AKAP9: variants seen among roughly 807,000 people sequenced by gnomAD.
AKAP9 encodes A-kinase anchoring protein 9.
Under a neutral mutation model 488.5 loss-of-function variants are expected in AKAP9, and 311 were observed. The ratio of observed to expected loss-of-function variants is 0.64; its 90% CI spans 0.58 to 0.70. The LOEUF is 0.70. AKAP9 is among the 30% of genes least tolerant of loss of function. The probability of loss-of-function intolerance (pLI) is 0.00; values close to 1 mark genes in which losing one functional copy is unlikely to be tolerated. For synonymous variants in AKAP9, 1,462 were observed against 1,483.5 expected (o/e 0.99, Z 0.33); for missense variants, 4,215 against 4,374.5 (o/e 0.96, Z 1.03).
intron 40 of AKAP9, among the ~76,000 whole-genome samples, chr7:92,095,930 CT>C (rs1283369084): frequency 8.5e-5 from 13 of 152,262 alleles, no homozygotes; most frequent in East Asian, 5.8e-4. Context: ...TTATTTGCCC[CT>C]AACCTTGCTT....
rs566937987 is a variant in AKAP9, at chr7:92,096,928, C to T, written c.9969C>T (p.His3323=). 1.9e-5 allele frequency: 30 copies of T among 1,614,062 alleles called. No homozygotes were observed. The highest frequency in any genetic ancestry group is 2.4e-5 in the Non-Finnish European group (28 of 1,180,042). ...CCCTAGATAGGGAGCGGGAATTGCA[C>T]GCACAGCTGCAGAGCAGTGATGGTA... ...SSTLDREREL[H]AQLQSSDGTG... Residue 3323 remains histidine, a synonymous_variant, in exon 41 of 50, where the codon CAC becomes CAT. Coordinates refer to ENST00000356239, the MANE Select transcript of AKAP9 (RefSeq NM_005751.5).
At chr7:92,007,919 C>T (rs1800138112) in intron 8 of AKAP9, among the ~76,000 whole-genome samples, 1 of 152,082 alleles carries the variant, frequency 6.6e-6, no homozygotes, top group South Asian at 2.1e-4. Context: ...ATATTGAAAA[C>T]AAGTTAAGCT....
Position 92,085,548 on chromosome 7 carries a change from G to C in AKAP9, c.8886G>C (p.Glu2962Asp). 6.2e-7 allele frequency: 1 copy of C among 1,614,054 alleles called. No individual in the cohort carries two copies. Among genetic ancestry groups the C allele is most frequent in the Non-Finnish European group, 8.5e-7 (1 of 1,179,986 alleles). Residue 2962 changes from glutamate to aspartate, a missense_variant, in exon 36 of 50, where the codon GAG (glutamate) becomes GAC (aspartate). Physicochemically the swap from Glu to Asp is conservative, Grantham distance 45. Transcript: ENST00000356239. ...NEGMQVLSLT[E>D]SPYSDGEDHS... Reference sequence around the variant, plus strand: ...GCATGCAGGTGCTTTCTCTCACTGAGTCTCCCTATAGTGATGGAGAGGACC... The same window carrying C: ...GCATGCAGGTGCTTTCTCTCACTGACTCTCCCTATAGTGATGGAGAGGACC...
intron 12 of AKAP9, among the ~76,000 whole-genome samples, chr7:92,018,551 T>A (rs1238070006): frequency 6.6e-6 from 1 of 152,182 alleles, no homozygotes; most frequent in Non-Finnish European, 1.5e-5. Context: ...TAGACTGGAT[T>A]TAAAGTTCAA....
At chr7:92,030,847 A>C (rs536500210) in intron 15 of AKAP9, among the ~76,000 whole-genome samples, 66 of 152,172 alleles carry the variant, frequency 4.3e-4, no homozygotes, top group Middle Eastern at 3.4e-3. Context: ...ACTTTCTCAA[A>C]CTGGCAACTG....
In AKAP9 at chr7:92,097,747, A is replaced by G. The variant is rs369522150; in HGVS notation, c.10560A>G (p.Gln3520=). ...TAGAAATGATCAGACAAAAGCTTCA[A>G]TGTGTAGCTTCAAAACTACAGGTTC... The part of the protein sequence containing the change: ...HELEMIRQKL[Q]CVASKLQVLP... Residue 3520 remains glutamine, a synonymous_variant, in exon 42 of 50, where the codon CAA becomes CAG. Transcript: ENST00000356239. The G allele has an allele frequency of 1.8e-5, 29 of 1,614,082 alleles. No homozygotes were observed. The highest frequency in any genetic ancestry group is 2.4e-5 in the Non-Finnish European group (28 of 1,180,018).
At chr7:92,032,776 G>A (rs181461456) in intron 16 of AKAP9, among the ~76,000 whole-genome samples, 4 of 151,720 alleles carry the variant, frequency 2.6e-5, no homozygotes, top group Admixed American at 6.6e-5. Context: ...TTTTTTTATA[G>A]CTTTCAATGT....
chr7:91,986,201 G>T (rs1453539448), intron 3 of AKAP9, among the ~76,000 whole-genome samples: 1 of 152,218 alleles, frequency 6.6e-6, no homozygotes, highest in East Asian at 1.9e-4. Context: ...GACCTGCTGA[G>T]CCAGGCACGG....
In AKAP9 at chr7:92,022,951, G is replaced by C. The variant is rs1802542345; in HGVS notation, c.4090G>C (p.Glu1364Gln). The C allele has an allele frequency of 4.3e-6, 7 of 1,614,066 alleles. No homozygotes were observed. The South Asian group carries it at 4.4e-5, about 10-fold the overall frequency. The change falls in exon 14 of 50, where the codon GAG becomes CAG. Residue 1364 changes from glutamate to glutamine, a missense_variant. Coordinates refer to ENST00000356239, the MANE Select transcript of AKAP9 (RefSeq NM_005751.5). ...LKETEQNYEA[E>Q]IHCLQKRLQA... ...AGAAACTGAACAAAACTATGAGGCA[G>C]AGATCCACTGTTTACAGAAGAGGCT...
chr7:92,013,594 C>T (rs1273369775), intron 9 of AKAP9, among the ~76,000 whole-genome samples: 1 of 152,058 alleles, frequency 6.6e-6, no homozygotes, highest in African/African-American at 2.4e-5. Flanking sequence ...ACCAGTTAAG[C>T]AACTAAAGCT....
intron 37 of AKAP9, among the ~76,000 whole-genome samples, chr7:92,088,384 C>CT (rs1814969090): frequency 6.6e-6 from 1 of 152,108 alleles, no homozygotes; most frequent in South Asian, 2.1e-4. Flanking sequence ...TGAAAAGAAA[C>CT]TGTCTCATAG....
Position 92,103,226 on chromosome 7 carries a change from T to TA in AKAP9, c.11330+407dup, listed in dbSNP as rs575873139. Among the ~76,000 whole-genome samples, 409 of 150,270 alleles carry TA rather than the reference T, an allele frequency of 2.7e-3. 2 individuals carry two copies. Among genetic ancestry groups the TA allele is most frequent in the African/African-American group, 9.5e-3 (389 of 40,860 alleles). Reference sequence around the variant, plus strand: ...CAACATGGTGAAACCCTATCTCTACTAAAAAAACAAAAAATTAGCTGGGCG... The same window carrying TA: ...CAACATGGTGAAACCCTATCTCTACTAAAAAAAACAAAAAATTAGCTGGGCG... On this transcript the variant is annotated intron_variant, in intron 46 of 49. Coordinates refer to ENST00000356239, the MANE Select transcript of AKAP9 (RefSeq NM_005751.5).
intron 46 of AKAP9, 77 bp downstream of exon 46, chr7:92,102,903 C>A: frequency 7.9e-7 from 1 of 1,260,750 alleles, no homozygotes; most frequent in Non-Finnish European, 1.1e-6. Context: ...TCCCTCTATT[C>A]TCTGCTGGTT....
chr7:92,079,007 TA>T, intron 30 of AKAP9, 71 bp from the exon 31 acceptor site: 1 of 1,087,392 alleles, frequency 9.2e-7, no homozygotes, highest in Non-Finnish European at 1.3e-6. Flanking sequence ...GGTACTGCCC[TA>T]AAATAAAGTA....
In AKAP9 at chr7:92,066,449, A is replaced by G. The variant is rs376849844; in HGVS notation, c.6233A>G (p.His2078Arg). 1.2e-6 allele frequency: 2 copies of G among 1,613,384 alleles called. No individual in the cohort carries two copies. Among genetic ancestry groups the G allele is most frequent in the Admixed American group, 1.7e-5 (1 of 60,002 alleles). The change falls in exon 26 of 50, where the codon CAT (histidine) becomes CGT (arginine). Residue 2078 changes from histidine (H) to arginine (R), a missense_variant. Physicochemically the swap from His to Arg is conservative, Grantham distance 29. Transcript: ENST00000356239. The stretch of plus-strand genomic sequence containing the variant: ...TAGGAGCAAGCCATTGACAGAGAAC[A>G]TGAGAGAGATGTATTCCAACAGGAA... ...FLDEQAIDREHERDVFQQEIQ... is the reference protein window; with the variant it reads ...FLDEQAIDRERERDVFQQEIQ...
At chr7:91,952,230 ATAAGT>A (rs1281607656) in intron 1 of AKAP9, among the ~76,000 whole-genome samples, 1 of 152,222 alleles carries the variant, frequency 6.6e-6, no homozygotes, top group African/African-American at 2.4e-5. Context: ...TCACGATACA[ATAAGT>A]TAAGTATTCA....
chr7:92,074,821 A>G (rs988779713), intron 28 of AKAP9, among the ~76,000 whole-genome samples: 4 of 152,148 alleles, frequency 2.6e-5, no homozygotes, highest in Non-Finnish European at 5.9e-5. Context: ...ATGAGAACAC[A>G]TGGACACAGG....
At chr7:92,094,849 AAAAG>A (rs772434303) in intron 39 of AKAP9, among the ~76,000 whole-genome samples, 170 bp from the exon 40 acceptor site, 2 of 152,146 alleles carry the variant, frequency 1.3e-5, no homozygotes, top group African/African-American at 4.8e-5. Flanking sequence ...AACAACAAAA[AAAAG>A]AAAGAGTTAA....
At position 92,012,490 on chromosome 7, in the gene AKAP9, A is replaced by T. The variant is rs775317970; in HGVS notation, c.3380A>T (p.His1127Leu). 2 of 1,614,076 alleles carry T rather than the reference A, an allele frequency of 1.2e-6. No homozygotes were observed. The highest frequency in any genetic ancestry group is 1.1e-5 in the South Asian group (1 of 91,076). ...RICLSLVYST[H>L]VDQVREYMEN... ...TGCCTCTCTCTGGTTTATTCAACTC[A>T]TGTGGATCAGGTTCGTGAATATATG... The change falls in exon 9 of 50, where the codon CAT becomes CTT. Residue 1127 changes from histidine (H) to leucine (L), a missense_variant. Physicochemically the swap from His to Leu is moderately conservative, Grantham distance 99. Around this residue, in one of 5 missense-constraint regions of AKAP9, gnomAD observed 2,361 missense variants for 2,430.0 expected, o/e 0.97. Transcript: ENST00000356239.
Sources: allele counts gnomAD v4.1 joint callset (sites outside exome capture counted in the v4.1 genomes callset), GRCh38; gene constraint gnomAD v4.1.1; regional missense constraint gnomAD v4.1.1; transcripts MANE v1.5; gene names NCBI Gene and HGNC (gene_info 2026-07-23, HGNC 2026-07-21).